RB1CC1: variants seen among roughly 807,000 people sequenced by gnomAD.
RB1CC1 encodes RB1 inducible coiled-coil 1, also known as RB1-inducible coiled-coil protein 1.
Under a neutral mutation model 177.5 loss-of-function variants are expected in RB1CC1, and 46 were observed. That is an observed-to-expected ratio of 0.26 (90% confidence interval 0.20 to 0.33). The LOEUF is 0.33. Among genes scored for constraint, RB1CC1 ranks in the 10% least tolerant of loss-of-function variants. The pLI is 1.00. For missense variants in RB1CC1, 1,703 were observed against 1,816.3 expected, an observed-to-expected ratio of 0.94 and a Z score of 1.13; for synonymous variants, 666 against 613.6, an observed-to-expected ratio of 1.09 and a Z score of -1.26.
intron 11 of RB1CC1, 55 bp from the exon 12 acceptor site, chr8:52,660,712 AT>A (rs1384910206): frequency 9.6e-6 from 14 of 1,458,104 alleles, no homozygotes; most frequent in Non-Finnish European, 1.3e-5. Context: ...AAGGCAAAAA[AT>A]TATCTCTGGT....
intron 1 of RB1CC1, among the ~76,000 whole-genome samples, chr8:52,688,447 C>G (rs1189745062): frequency 6.6e-6 from 1 of 152,200 alleles, no homozygotes; most frequent in Non-Finnish European, 1.5e-5. Context: ...GAGATACACC[C>G]TGGTCTCCTG....
chr8:52,652,034 T>C (rs1850633869), intron 15 of RB1CC1, among the ~76,000 whole-genome samples: 1 of 152,200 alleles, frequency 6.6e-6, no homozygotes, highest in African/African-American at 2.4e-5. Flanking sequence ...TATTTAAATA[T>C]TCCTTTCCTT....
intron 1 of RB1CC1, among the ~76,000 whole-genome samples, chr8:52,693,834 G>A (rs1202862063): frequency 6.6e-6 from 1 of 152,114 alleles, no homozygotes; most frequent in East Asian, 1.9e-4. Context: ...TGGATGCTGG[G>A]CTTAATACTT....
In RB1CC1 at chr8:52,671,541, T is replaced by C. The variant is rs556408935; in HGVS notation, c.1002+2304A>G. Reference sequence around the variant, plus strand: ...CCCCTAGTCTTATCAAGAAAAAGTATAGTACTCCTGAGAGGAGAAAAATAC... The same window carrying C: ...CCCCTAGTCTTATCAAGAAAAAGTACAGTACTCCTGAGAGGAGAAAAATAC... On this transcript the variant is annotated intron_variant, in intron 7 of 23. Transcript: ENST00000025008. Among the ~76,000 whole-genome samples, 12 of 152,316 alleles carry C rather than the reference T, an allele frequency of 7.9e-5. No individual in the cohort carries two copies. The South Asian group carries it at 1.9e-3, about 24-fold the overall frequency.
intron 7 of RB1CC1, among the ~76,000 whole-genome samples, chr8:52,669,111 A>T (rs1380659581): frequency 6.6e-6 from 1 of 152,208 alleles, no homozygotes; most frequent in Non-Finnish European, 1.5e-5. Context: ...CTGACTGTTT[A>T]CTAACATCTA....
chr8:52,652,727 G>C (rs1033209263), intron 15 of RB1CC1, among the ~76,000 whole-genome samples: 7 of 152,064 alleles, frequency 4.6e-5, no homozygotes, highest in Admixed American at 2.6e-4. Flanking sequence ...TGTGTGACCT[G>C]CAAATGCTAA....
chr8:52,648,120 C>T (rs138408873), intron 15 of RB1CC1, among the ~76,000 whole-genome samples: 4 of 152,182 alleles, frequency 2.6e-5, no homozygotes, highest in African/African-American at 9.6e-5. Flanking sequence ...TATAGACACC[C>T]CTGACACTCT....
At chr8:52,646,531 C>T (rs62499945) in intron 15 of RB1CC1, among the ~76,000 whole-genome samples, 32,978 of 152,130 alleles carry the variant, frequency 0.22, 4,086 homozygotes, top group Non-Finnish European at 0.27. Context: ...AAAAGAAACA[C>T]CTAAAGATTG....
chr8:52,695,680 C>A (rs960981327), intron 1 of RB1CC1, among the ~76,000 whole-genome samples: 1 of 152,178 alleles, frequency 6.6e-6, no homozygotes, highest in Non-Finnish European at 1.5e-5. Flanking sequence ...TACTGTCACG[C>A]GTTGTGGCCA....
chr8:52,669,500 A>G (rs952884810), intron 7 of RB1CC1, among the ~76,000 whole-genome samples: 25 of 152,224 alleles, frequency 1.6e-4, no homozygotes, highest in African/African-American at 5.8e-4. Context: ...CAATTAAACT[A>G]AACTATTTTA....
intron 20 of RB1CC1, 35 bp downstream of exon 20, chr8:52,634,886 T>C (rs1437252359): frequency 2.0e-6 from 3 of 1,500,724 alleles, no homozygotes; most frequent in East Asian, 2.3e-5. Flanking sequence ...CATTTAAAAA[T>C]GTTAAGACCA....
At chr8:52,650,274 G>C (rs2150442100) in intron 15 of RB1CC1, among the ~76,000 whole-genome samples, 1 of 152,348 alleles carries the variant, frequency 6.6e-6, no homozygotes, top group Middle Eastern at 3.4e-3. Context: ...CTATGTTTGA[G>C]ATTGCCAATG....
chr8:52,676,683 C>A, intron 5 of RB1CC1, 112 bp from the exon 6 acceptor site: 1 of 892,998 alleles, frequency 1.1e-6, no homozygotes, highest in Non-Finnish European at 1.7e-6. Context: ...GCACATTTAA[C>A]AAAGTATTTC....
At chr8:52,632,587 T>C (rs1216975358) in intron 20 of RB1CC1, among the ~76,000 whole-genome samples, 1 of 152,202 alleles carries the variant, frequency 6.6e-6, no homozygotes, top group Non-Finnish European at 1.5e-5. Context: ...TTTGTTAATA[T>C]AGCTGTAATT....
chr8:52,662,442 G>C (rs1851713725), intron 8 of RB1CC1, among the ~76,000 whole-genome samples: 2 of 151,850 alleles, frequency 1.3e-5, no homozygotes, highest in African/African-American at 2.4e-5. Context: ...AGTATATTTA[G>C]TTTTCTTTAT....
At chr8:52,699,858 T>TATATATATATATATACATAC (rs756226534) in intron 1 of RB1CC1, among the ~76,000 whole-genome samples, 2 of 102,790 alleles carry the variant, frequency 1.9e-5, no homozygotes, top group East Asian at 7.7e-4. Context: ...TATATATATA[T>TATATATATATATATACATAC]ACACACAAAA....
intron 1 of RB1CC1, among the ~76,000 whole-genome samples, chr8:52,706,450 C>T (rs1856559269): frequency 2.6e-5 from 4 of 151,142 alleles, no homozygotes; most frequent in Admixed American, 2.6e-4. Flanking sequence ...GCCTTCAGCT[C>T]GTTGTAGCCT....
At chr8:52,678,879 A>G (rs1853414353) in intron 5 of RB1CC1, among the ~76,000 whole-genome samples, 1 of 152,208 alleles carries the variant, frequency 6.6e-6, no homozygotes, top group Non-Finnish European at 1.5e-5. Context: ...TTAATTCCAT[A>G]TGTGTATAAG....
At chr8:52,649,532 C>CA (rs1177717894) in intron 15 of RB1CC1, among the ~76,000 whole-genome samples, 27 of 151,920 alleles carry the variant, frequency 1.8e-4, no homozygotes, top group East Asian at 7.7e-4. Flanking sequence ...ACTGTTTTTT[C>CA]AAAAAAATCT....
Sources: gnomAD v4.1 joint callset for allele counts (sites outside exome capture counted in the v4.1 genomes callset) on GRCh38, gnomAD v4.1.1 for gene constraint, MANE v1.5 for transcripts, NCBI Gene and HGNC (gene_info 2026-07-23, HGNC 2026-07-21) for gene names.